The following CTNND2 variants were observed in gnomAD, a reference collection of about 807,000 sequenced individuals.
CTNND2 encodes the protein catenin delta 2.
A neutral mutation model predicts 144.4 loss-of-function variants in CTNND2; 22 were observed. The observed-to-expected ratio is 0.15, with a 90% CI of 0.11 to 0.22. The LOEUF (loss-of-function observed/expected upper bound fraction) is 0.22. Among genes scored for constraint, CTNND2 ranks in the 10% least tolerant of loss-of-function variants. CTNND2 has a pLI of 1.00. For missense variants in CTNND2, 1,353 were observed against 1,618.8 expected (o/e 0.84, Z 2.82); for synonymous variants, 751 against 695.6 (o/e 1.08, Z -1.25).
At chr5:11,312,465 C>T (rs924722058) in intron 9 of CTNND2, among the ~76,000 whole-genome samples, 13 of 152,006 alleles carry the variant, frequency 8.6e-5, no homozygotes, top group African/African-American at 2.9e-4. Context: ...GAAGCAAAAG[C>T]AGAAACCCCT....
chr5:10,981,691 TG>T (rs1271164445), intron 21 of CTNND2, 81 bp downstream of exon 21: 1 of 1,347,560 alleles, frequency 7.4e-7, no homozygotes, highest in African/African-American at 1.5e-5. Flanking sequence ...GTATGTTGGA[TG>T]AAAGTTTATG....
At chr5:11,766,870 G>A (rs552283188) in intron 1 of CTNND2, among the ~76,000 whole-genome samples, 64 of 152,230 alleles carry the variant, frequency 4.2e-4, no homozygotes, top group African/African-American at 1.5e-3. Flanking sequence ...ATATTTCTAA[G>A]TCAGAAATGT....
intron 11 of CTNND2, among the ~76,000 whole-genome samples, chr5:11,173,831 A>C (rs971544234): frequency 6.6e-6 from 1 of 152,226 alleles, no homozygotes; most frequent in South Asian, 2.1e-4. Context: ...AGCGATGTGC[A>C]GCCATTACCT....
chr5:11,049,866 C>T (rs886214686), intron 16 of CTNND2, among the ~76,000 whole-genome samples: 1 of 152,202 alleles, frequency 6.6e-6, no homozygotes, highest in Non-Finnish European at 1.5e-5. Context: ...TTGTAAGCCA[C>T]AAGCAATTCG....
chr5:11,215,094 A>G (rs182277767), intron 10 of CTNND2, among the ~76,000 whole-genome samples: 106 of 152,312 alleles, frequency 7.0e-4, no homozygotes, highest in African/African-American at 2.4e-3. Context: ...TATCCATGTC[A>G]TCTTTAGACT....
At chr5:11,613,778 C>A (rs1561621053) in intron 2 of CTNND2, among the ~76,000 whole-genome samples, 1 of 152,162 alleles carries the variant, frequency 6.6e-6, no homozygotes, top group Admixed American at 6.5e-5. Context: ...TAGAATTAGG[C>A]CTTAATCTGT....
intron 10 of CTNND2, among the ~76,000 whole-genome samples, chr5:11,226,576 C>T (rs567636635): frequency 4.6e-5 from 7 of 152,324 alleles, no homozygotes; most frequent in Non-Finnish European, 7.3e-5. Context: ...TCTTACATGG[C>T]GTCCAACAAA....
At chr5:11,363,739 T>A (rs1186865473) in intron 8 of CTNND2, among the ~76,000 whole-genome samples, 1 of 152,186 alleles carries the variant, frequency 6.6e-6, no homozygotes, top group Non-Finnish European at 1.5e-5. Context: ...CATAAGGCAG[T>A]TTAAGAAAAT....
intron 3 of CTNND2, among the ~76,000 whole-genome samples, chr5:11,544,198 G>A (rs182134218): frequency 4.2e-4 from 63 of 150,024 alleles, no homozygotes; most frequent in Admixed American, 1.3e-3. Flanking sequence ...TTTTTGAGAC[G>A]GAGTCTCCCT....
At chr5:11,874,252 T>G (rs912459196) in intron 1 of CTNND2, among the ~76,000 whole-genome samples, 1 of 152,152 alleles carries the variant, frequency 6.6e-6, no homozygotes, top group Non-Finnish European at 1.5e-5. Flanking sequence ...ACCACAGCAG[T>G]AATATCAAAT....
chr5:11,592,973 C>T (rs1397113561), intron 2 of CTNND2, among the ~76,000 whole-genome samples: 2 of 151,702 alleles, frequency 1.3e-5, no homozygotes, highest in African/African-American at 4.8e-5. Flanking sequence ...ACCTGATTTA[C>T]AAGAAACATG....
chr5:11,518,987 C>A (rs935923265), intron 3 of CTNND2, among the ~76,000 whole-genome samples: 1 of 151,246 alleles, frequency 6.6e-6, no homozygotes, highest in Non-Finnish European at 1.5e-5. Context: ...CCTTTTTTTC[C>A]CTATTTCCTC....
chr5:11,040,229 G>A (rs1335222815), intron 16 of CTNND2, among the ~76,000 whole-genome samples: 4 of 152,102 alleles, frequency 2.6e-5, no homozygotes, highest in Non-Finnish European at 5.9e-5. Flanking sequence ...CTGGGTGACA[G>A]GGTAAGACTC....
intron 2 of CTNND2, among the ~76,000 whole-genome samples, chr5:11,608,124 A>G (rs1780148886): frequency 6.6e-6 from 1 of 152,156 alleles, no homozygotes; most frequent in African/African-American, 2.4e-5. Context: ...ATGTGAACCT[A>G]CCCACAGCAG....
intron 6 of CTNND2, among the ~76,000 whole-genome samples, chr5:11,390,064 T>C (rs154755): frequency 0.35 from 53,859 of 152,142 alleles, 10,771 homozygotes; most frequent in East Asian, 0.51. Flanking sequence ...TCCCCTGCAT[T>C]TCAAACAAGG....
intron 1 of CTNND2, among the ~76,000 whole-genome samples, chr5:11,736,319 T>C (rs1787680802): frequency 6.6e-6 from 1 of 152,238 alleles, no homozygotes; most frequent in African/African-American, 2.4e-5. Flanking sequence ...TAATTAGGCC[T>C]GTTTATCTAC....
At position 11,257,410 on chromosome 5, in the gene CTNND2, G is replaced by A. The variant is rs190000769; in HGVS notation, c.1629-20587C>T. ...TGCTATGAAGAAATAACCAAGACTG[G>A]GTAATTTACAAAGAAAAGAGGTTTA... On this transcript the variant is annotated intron_variant, in intron 9 of 21. Transcript: ENST00000304623. Among the ~76,000 whole-genome samples the A allele has an allele frequency of 5.3e-4, 81 of 152,208 alleles. 1 individual carries two copies. Among genetic ancestry groups the A allele is most frequent in the Middle Eastern group, 6.8e-3 (2 of 294 alleles).
intron 5 of CTNND2, among the ~76,000 whole-genome samples, chr5:11,407,703 G>T (rs1004983885): frequency 1.3e-5 from 2 of 152,186 alleles, no homozygotes; most frequent in African/African-American, 4.8e-5. Flanking sequence ...AGGGCAGGGT[G>T]CCAGGTCCAA....
At chr5:11,482,291 G>A (rs1300775269) in intron 3 of CTNND2, among the ~76,000 whole-genome samples, 1 of 152,048 alleles carries the variant, frequency 6.6e-6, no homozygotes, top group Admixed American at 6.6e-5. Context: ...ATAGGAATCT[G>A]GATAGTGAGG....
Sources: gnomAD v4.1 joint callset for allele counts (sites outside exome capture counted in the v4.1 genomes callset) on GRCh38, gnomAD v4.1.1 for gene constraint, MANE v1.5 for transcripts, NCBI Gene and HGNC (gene_info 2026-07-23, HGNC 2026-07-21) for gene names.